The following CEP78 variants were observed in gnomAD, a reference collection of about 807,000 sequenced individuals.
CEP78 encodes the protein centrosomal protein 78, also known as centrosomal protein of 78 kDa.
Under a neutral mutation model 81.2 loss-of-function variants are expected in CEP78, and 76 were observed. The ratio of observed to expected loss-of-function variants is 0.94; its 90% CI spans 0.78 to 1.13. The LOEUF is 1.13. CEP78 is among the 50% of genes most tolerant of loss of function. The pLI, the probability that CEP78 is intolerant of heterozygous loss-of-function variation, is 0.00. For missense variants in CEP78, 918 were observed against 846.8 expected, an observed-to-expected ratio of 1.08 and a Z score of -1.04; for synonymous variants, 293 against 301.4, an observed-to-expected ratio of 0.97 and a Z score of 0.29.
chr9:78,265,557 A>C lies in CEP78; in HGVS notation c.1797+14A>C, dbSNP rs575417334. ...CAAAATATCCAGGTAAATGAATAGA[A>C]CAGAACTTAGTGATTCTACAAGTGA... On this transcript the variant is annotated intron_variant, in intron 14 of 16. Coordinates refer to ENST00000643273, the MANE Select transcript of CEP78 (RefSeq NM_001330691.3). 1 of 1,549,688 alleles carries C rather than the reference A, an allele frequency of 6.5e-7. No individual in the cohort carries two copies. The highest frequency in any genetic ancestry group is 1.2e-5 in the South Asian group (1 of 82,728).
intron 8 of CEP78, chr9:78,249,733 G>T (rs764755982): frequency 1.3e-5 from 2 of 151,756 alleles, no homozygotes; most frequent in African/African-American, 2.4e-5. Context: ...AAGAATGAGT[G>T]ACAGTGGAAT....
At position 78,277,767 on chromosome 9, in the gene CEP78, A is replaced by G. The variant is rs1168214545; in HGVS notation, c.*6916A>G. Reference sequence around the variant, plus strand: ...CACACAAGTGCCCAAAGAGTCAGATACAAGACTGTGTGAAGTGTTTTTTGA... The same window carrying G: ...CACACAAGTGCCCAAAGAGTCAGATGCAAGACTGTGTGAAGTGTTTTTTGA... On this transcript the variant is annotated 3_prime_UTR_variant, in exon 17 of 17. Coordinates refer to ENST00000643273, the MANE Select transcript of CEP78 (RefSeq NM_001330691.3). The G allele has an allele frequency of 2.0e-5, 3 of 152,354 alleles. No homozygotes were observed. Among genetic ancestry groups the G allele is most frequent in the Admixed American group, 2.0e-4 (3 of 15,300 alleles). 9.4% of individuals were successfully genotyped at this position (152,354 alleles called of 1,614,324 possible). A position where few individuals can be genotyped will look rare whatever the true frequency, so the allele number is the denominator to read the frequency against.
chr9:78,267,586 C>T (rs560604197), intron 16 of CEP78, among the ~76,000 whole-genome samples: 20 of 152,170 alleles, frequency 1.3e-4, no homozygotes, highest in Non-Finnish European at 1.3e-4. Flanking sequence ...CAAAGTTGCA[C>T]GGCTGTAAAT....
At position 78,240,126 on chromosome 9, in the gene CEP78, A is replaced by G; in HGVS notation, c.357A>G (p.Ser119=). ...CTCTTAAAGGCTGTTTAAGTATATC[A>G]AGTGTGCTAAAGAACCTGGAGCTAA... ...CKALKGCLSI[S]SVLKNLELNG... The change falls in exon 2 of 17, where the codon TCA becomes TCG. Residue 119 remains serine, a synonymous_variant. Coordinates refer to ENST00000643273, the MANE Select transcript of CEP78 (RefSeq NM_001330691.3). 1 of 1,588,968 alleles carries G rather than the reference A, an allele frequency of 6.3e-7. No individual in the cohort carries two copies. Among genetic ancestry groups the G allele is most frequent in the Non-Finnish European group, 8.5e-7 (1 of 1,173,692 alleles).
rs750405880 is a variant in CEP78, at chr9:78,278,175, C to T, written c.*7324C>T. ...GGTTTAAAAAAAAAGTTTTTATGTA[C>T]AACAGACAATTTTTAAAATTCCTTT... On this transcript the variant is annotated 3_prime_UTR_variant, in exon 17 of 17. Transcript: ENST00000643273. 2.0e-5 allele frequency: 3 copies of T among 152,122 alleles called. No individual in the cohort carries two copies. The highest frequency in any genetic ancestry group is 2.9e-5 in the Non-Finnish European group (2 of 68,018). The allele number at this position is 152,122 out of a possible 1,614,324, so 9.4% of individuals were successfully genotyped here.
chr9:78,266,964 G>C, intron 16 of CEP78: 1 of 1,405,088 alleles, frequency 7.1e-7, no homozygotes, highest in Non-Finnish European at 9.2e-7. Flanking sequence ...ATGTGATTTT[G>C]AATTTCAAGA....
At chr9:78,259,135 G>C (rs1363656262) in intron 11 of CEP78, among the ~76,000 whole-genome samples, 1 of 152,144 alleles carries the variant, frequency 6.6e-6, no homozygotes, top group East Asian at 1.9e-4. Flanking sequence ...AACTATAAAA[G>C]TAATAAAATT....
In CEP78 at chr9:78,265,922, T is replaced by C. The variant is rs762326268; in HGVS notation, c.1845+16T>C. Reference sequence around the variant, plus strand: ...ACTAATGAAGGTACAAGTACTGATATAGATAATTTTTCAGAATAAGTAATT... The same window carrying C: ...ACTAATGAAGGTACAAGTACTGATACAGATAATTTTTCAGAATAAGTAATT... On this transcript the variant is annotated intron_variant, in intron 15 of 16. Coordinates refer to ENST00000643273, the MANE Select transcript of CEP78 (RefSeq NM_001330691.3). 6.1e-5 allele frequency: 76 copies of C among 1,245,878 alleles called. No individual in the cohort carries two copies. In the Middle Eastern group the frequency reaches 1.3e-3, roughly 21 times the overall value. The allele number at this position is 1,245,878 out of a possible 1,614,324, so 77.2% of individuals were successfully genotyped here.
At chr9:78,267,312 A>G (rs1827585432) in intron 16 of CEP78, among the ~76,000 whole-genome samples, 1 of 152,250 alleles carries the variant, frequency 6.6e-6, no homozygotes, top group Admixed American at 6.5e-5. Context: ...AGAAAACAGA[A>G]CAACAAAGCA....
chr9:78,242,882 G>A (rs923857282), intron 4 of CEP78, among the ~76,000 whole-genome samples: 1 of 152,158 alleles, frequency 6.6e-6, no homozygotes, highest in Non-Finnish European at 1.5e-5. Flanking sequence ...TAAATTTGGT[G>A]TGCATACCCT....
chr9:78,263,435 A>G (rs1471309150), intron 12 of CEP78, among the ~76,000 whole-genome samples: 3 of 152,178 alleles, frequency 2.0e-5, no homozygotes, highest in Non-Finnish European at 4.4e-5. Context: ...AATTAGGTGA[A>G]TGTGCATAAG....
At chr9:78,247,624 T>C (rs537757857) in intron 6 of CEP78, among the ~76,000 whole-genome samples, 1 of 152,268 alleles carries the variant, frequency 6.6e-6, no homozygotes, top group South Asian at 2.1e-4. Flanking sequence ...GTAAGGGTTA[T>C]ATTCCAAGTA....
chr9:78,255,790 G>C (rs1027300803), intron 11 of CEP78, among the ~76,000 whole-genome samples: 11 of 152,128 alleles, frequency 7.2e-5, no homozygotes, highest in Non-Finnish European at 1.5e-4. Flanking sequence ...CACCTAAGTG[G>C]TTTATTACTA....
At position 78,236,482 on chromosome 9, in the gene CEP78, T is replaced by A. The variant is rs772816803; in HGVS notation, c.132T>A (p.Asp44Glu). Reference sequence around the variant, plus strand: ...CCTGTCTCCGGGAGGGCGTGCTGGATTTCAACGCCGACCGCCTCCGCGGGG... The same window carrying A: ...CCTGTCTCCGGGAGGGCGTGCTGGAATTCAACGCCGACCGCCTCCGCGGGG... Reference protein sequence around the residue: ...VRACLREGVLDFNADRLRGVD... With the variant: ...VRACLREGVLEFNADRLRGVD... Residue 44 changes from aspartate to glutamate, a missense_variant, in exon 1 of 17, where the codon GAT (aspartate) becomes GAA (glutamate). Physicochemically the swap from Asp to Glu is conservative, Grantham distance 45. Transcript: ENST00000643273. The A allele has an allele frequency of 1.2e-6, 2 of 1,607,402 alleles. No homozygotes were observed. Among genetic ancestry groups the A allele is most frequent in the East Asian group, 2.2e-5 (1 of 44,678 alleles).
rs1409807318 is a variant in CEP78, at chr9:78,236,120, T to G, written c.-231T>G. 3.7e-6 allele frequency: 2 copies of G among 536,746 alleles called. No individual in the cohort carries two copies. The highest frequency in any genetic ancestry group is 3.8e-5 in the Admixed American group (1 of 26,524). The allele number at this position is 536,746 out of a possible 1,614,324, so 33.2% of individuals were successfully genotyped here. On this transcript the variant is annotated 5_prime_UTR_variant, in exon 1 of 17. Coordinates refer to ENST00000643273, the MANE Select transcript of CEP78 (RefSeq NM_001330691.3). ...AGAGGACTATGAGGCGGGCGCCAAC[T>G]GCTTGGGCCGCAGGGCGGGAGGCAG...
At chr9:78,242,354 G>A (rs567854997) in intron 4 of CEP78, among the ~76,000 whole-genome samples, 12 of 152,264 alleles carry the variant, frequency 7.9e-5, no homozygotes, top group African/African-American at 2.4e-4. Flanking sequence ...GGCCTTTACA[G>A]CGTAAGCCCA....
chr9:78,266,803 A>G (rs1415778054), intron 16 of CEP78, 100 bp downstream of exon 16: 1 of 1,516,966 alleles, frequency 6.6e-7, no homozygotes, highest in Non-Finnish European at 8.8e-7. Context: ...GAAACTAGGG[A>G]AACTAGTTCT....
intron 6 of CEP78, among the ~76,000 whole-genome samples, chr9:78,247,787 T>C (rs1351963292): frequency 6.6e-6 from 1 of 152,164 alleles, no homozygotes; most frequent in African/African-American, 2.4e-5. Flanking sequence ...AAAAAGTGGT[T>C]GAAACAAGGT....
chr9:78,256,256 G>A (rs1827019602), intron 11 of CEP78, among the ~76,000 whole-genome samples: 1 of 152,140 alleles, frequency 6.6e-6, no homozygotes, highest in South Asian at 2.1e-4. Flanking sequence ...ATAGGAAAAA[G>A]GAAGGGAGCT....
Sources: allele counts gnomAD v4.1 joint callset (sites outside exome capture counted in the v4.1 genomes callset), GRCh38; gene constraint gnomAD v4.1.1; transcripts MANE v1.5; gene names NCBI Gene and HGNC (gene_info 2026-07-23, HGNC 2026-07-21).